The following LPP variants were observed in gnomAD, a reference collection of about 807,000 sequenced individuals.
LPP encodes the protein LIM domain containing preferred translocation partner in lipoma, also known as lipoma-preferred partner.
Under a neutral mutation model 60.4 loss-of-function variants are expected in LPP, and 38 were observed. The ratio of observed to expected loss-of-function variants is 0.63; its 90% confidence interval spans 0.49 to 0.83. LPP has a LOEUF of 0.83. Among genes scored for constraint, LPP ranks in the 40% least tolerant of loss-of-function variants. LPP has a pLI of 0.00. For missense variants in LPP, 902 were observed against 783.6 expected (o/e 1.15, Z -1.80); for synonymous variants, 328 against 290.8 (o/e 1.13, Z -1.30).
intron 9 of LPP, among the ~76,000 whole-genome samples, chr3:188,821,033 T>G (rs1324878721): frequency 1.3e-5 from 2 of 151,886 alleles, no homozygotes; most frequent in Admixed American, 1.3e-4. Flanking sequence ...TATTCTCCCT[T>G]TTGTCCTGGT....
chr3:188,386,722 T>C (rs1242132522), intron 3 of LPP, among the ~76,000 whole-genome samples: 1 of 152,162 alleles, frequency 6.6e-6, no homozygotes, highest in Non-Finnish European at 1.5e-5. Context: ...AGCTCTGAAA[T>C]TGTGAGGAAG....
chr3:188,868,026 C>T (rs1314371245), intron 10 of LPP, among the ~76,000 whole-genome samples: 1 of 152,158 alleles, frequency 6.6e-6, no homozygotes, highest in Non-Finnish European at 1.5e-5. Flanking sequence ...AAATTTGCAA[C>T]CTGAATTAGA....
intron 5 of LPP, among the ~76,000 whole-genome samples, chr3:188,485,858 A>C (rs1339869324): frequency 6.6e-6 from 1 of 151,086 alleles, no homozygotes. Flanking sequence ...TAAGGGTTGG[A>C]AACTACTGAG....
chr3:188,768,674 A>T (rs755571391), intron 9 of LPP, among the ~76,000 whole-genome samples: 16 of 152,224 alleles, frequency 1.1e-4, no homozygotes, highest in Non-Finnish European at 1.6e-4. Context: ...ATATATAAAG[A>T]TATGAAGCAT....
At chr3:188,362,707 T>C (rs985457898) in intron 3 of LPP, among the ~76,000 whole-genome samples, 7 of 152,192 alleles carry the variant, frequency 4.6e-5, no homozygotes, top group African/African-American at 1.7e-4. Context: ...GTGTGTATAG[T>C]GCCCATTGTG....
chr3:188,831,333 G>A (rs983891866), intron 9 of LPP, among the ~76,000 whole-genome samples: 2 of 152,126 alleles, frequency 1.3e-5, no homozygotes, highest in African/African-American at 2.4e-5. Flanking sequence ...CAAGCACTGG[G>A]GCTCAAAGGG....
At chr3:188,376,815 A>T (rs1775252371) in intron 3 of LPP, among the ~76,000 whole-genome samples, 1 of 152,092 alleles carries the variant, frequency 6.6e-6, no homozygotes, top group African/African-American at 2.4e-5. Context: ...GGTCTTTACA[A>T]TTTGGCATGT....
intron 4 of LPP, among the ~76,000 whole-genome samples, chr3:188,435,755 G>T (rs1168660073): frequency 1.3e-5 from 2 of 152,142 alleles, no homozygotes; most frequent in Non-Finnish European, 2.9e-5. Flanking sequence ...TCAGTTACAG[G>T]AAATAAGTGC....
At chr3:188,581,332 A>T (rs1043382383) in intron 6 of LPP, among the ~76,000 whole-genome samples, 1 of 152,166 alleles carries the variant, frequency 6.6e-6, no homozygotes, top group African/African-American at 2.4e-5. Context: ...CCTCGGGCAC[A>T]CTTGGACCTG....
chr3:188,637,658 G>A (rs1849111469), intron 7 of LPP, among the ~76,000 whole-genome samples: 2 of 151,954 alleles, frequency 1.3e-5, no homozygotes, highest in Admixed American at 6.6e-5. Context: ...TCAAATAGAT[G>A]CAATAAAAAA....
At chr3:188,425,179 C>T (rs1788955563) in intron 4 of LPP, among the ~76,000 whole-genome samples, 1 of 152,070 alleles carries the variant, frequency 6.6e-6, no homozygotes, top group Non-Finnish European at 1.5e-5. Context: ...TGTTGAAGGA[C>T]TTTTCTGCAT....
At chr3:188,336,479 G>A (rs968536755) in intron 2 of LPP, among the ~76,000 whole-genome samples, 1 of 152,188 alleles carries the variant, frequency 6.6e-6, no homozygotes, top group East Asian at 1.9e-4. Context: ...ACATGAGCCA[G>A]TAGGGTTCAG....
intron 4 of LPP, among the ~76,000 whole-genome samples, chr3:188,455,345 G>T (rs749456312): frequency 6.6e-6 from 1 of 152,152 alleles, no homozygotes; most frequent in Non-Finnish European, 1.5e-5. Context: ...ATTATTAAAA[G>T]GTTCATGTAA....
intron 7 of LPP, among the ~76,000 whole-genome samples, chr3:188,617,317 G>C (rs1008905462): frequency 6.6e-6 from 1 of 152,194 alleles, no homozygotes; most frequent in African/African-American, 2.4e-5. Flanking sequence ...ATGACCTCAT[G>C]TGAATGCAAA....
intron 9 of LPP, among the ~76,000 whole-genome samples, chr3:188,803,556 T>C (rs986806095): frequency 5.3e-5 from 8 of 152,350 alleles, no homozygotes; most frequent in Non-Finnish European, 1.0e-4. Flanking sequence ...TCCAGCACCA[T>C]TTGTTGTAAT....
At chr3:188,434,964 A>C (rs1791938858) in intron 4 of LPP, among the ~76,000 whole-genome samples, 1 of 152,240 alleles carries the variant, frequency 6.6e-6, no homozygotes, top group African/African-American at 2.4e-5. Flanking sequence ...TATACATGAA[A>C]GACTGAAGCT....
At chr3:188,837,006 T>C (rs1368526251) in intron 9 of LPP, among the ~76,000 whole-genome samples, 1 of 152,222 alleles carries the variant, frequency 6.6e-6, no homozygotes, top group Non-Finnish European at 1.5e-5. Context: ...TTCATCAAGA[T>C]ATTGTGTGTA....
In LPP at chr3:188,837,382, CATAATAATAATAATAATAATA is replaced by C. The variant is rs57174980; in HGVS notation, c.1411-28797_1411-28777del. ...TGACAGAATGAGACTCCATCTCAAA[CATAATAATAATAATAATAATA>C]ATAATAATAATAATAATAATCTGTG... is the stretch of plus-strand genomic sequence containing the variant. On this transcript the variant is annotated intron_variant, in intron 9 of 11. Coordinates refer to ENST00000617246, the MANE Select transcript of LPP (RefSeq NM_001375462.1). 5.7e-5 allele frequency among the ~76,000 whole-genome samples: 8 copies of C among 140,394 alleles called. 1 individual carries two copies. In the Admixed American group the frequency reaches 5.7e-4, roughly 10 times the overall value. 92.1% of individuals were successfully genotyped at this position (140,394 alleles called of 152,430 possible).
chr3:188,432,531 T>C (rs1017434349), intron 4 of LPP, among the ~76,000 whole-genome samples: 9 of 152,106 alleles, frequency 5.9e-5, no homozygotes, highest in African/African-American at 1.9e-4. Context: ...GTGTATGCTA[T>C]AGGTGATCAT....
Sources: gnomAD v4.1 joint callset for allele counts (sites outside exome capture counted in the v4.1 genomes callset) on GRCh38, gnomAD v4.1.1 for gene constraint, MANE v1.5 for transcripts, NCBI Gene and HGNC (gene_info 2026-07-23, HGNC 2026-07-21) for gene names.